LRBA: variants seen among roughly 807,000 people sequenced by gnomAD.
LRBA encodes the protein lipopolysaccharide-responsive and beige-like anchor protein.
LRBA carries 176 observed loss-of-function variants against 330.0 expected under a neutral mutation model. The observed-to-expected ratio is 0.53, with a 90% CI of 0.47 to 0.60. The LOEUF (loss-of-function observed/expected upper bound fraction) is 0.60. Ranked by LOEUF, LRBA falls within the 20% of genes least tolerant of loss-of-function variation. The probability of loss-of-function intolerance (pLI) is 0.00; values close to 1 mark genes in which losing one functional copy is unlikely to be tolerated. For synonymous variants in LRBA, 1,230 were observed against 1,193.0 expected (o/e 1.03, Z -0.64); for missense variants, 3,259 against 3,444.8 (o/e 0.95, Z 1.35).
At chr4:150,879,527 C>A (rs756688295) in intron 17 of LRBA, among the ~76,000 whole-genome samples, 16 of 152,044 alleles carry the variant, frequency 1.1e-4, no homozygotes, top group Non-Finnish European at 1.3e-4. Flanking sequence ...AGCAATCAGG[C>A]AAGAAAAGGG....
chr4:150,766,268 C>A (rs7666190), intron 34 of LRBA, among the ~76,000 whole-genome samples: 132,565 of 152,006 alleles, frequency 0.87, 58,368 homozygotes, highest in Non-Finnish European at 0.95. Context: ...CAGGAATATC[C>A]TTATGTTTTC....
chr4:150,755,476 T>C (rs376431633), intron 35 of LRBA, among the ~76,000 whole-genome samples: 16 of 152,158 alleles, frequency 1.1e-4, no homozygotes, highest in African/African-American at 3.6e-4. Context: ...TTAAAATGTG[T>C]TTTTATTAAA....
chr4:150,598,875 C>A, intron 38 of LRBA, 132 bp downstream of exon 38: 1 of 1,051,104 alleles, frequency 9.5e-7, no homozygotes, highest in Non-Finnish European at 1.4e-6. Flanking sequence ...AATTTAACTT[C>A]TCTTTCTGGT....
At chr4:150,803,074 A>AT (rs60815250) in intron 33 of LRBA, among the ~76,000 whole-genome samples, 48,329 of 119,468 alleles carry the variant, frequency 0.4, 9,937 homozygotes, top group Non-Finnish European at 0.49. Flanking sequence ...AACAAAAAAA[A>AT]AATATATATA....
Position 150,583,311 on chromosome 4 carries a change from G to A in LRBA, c.6330+4737C>T, listed in dbSNP as rs1442867249. 2 of 1,614,082 alleles carry A rather than the reference G, an allele frequency of 1.2e-6. No individual in the cohort carries two copies. The highest frequency in any genetic ancestry group is 2.7e-5 in the African/African-American group (2 of 74,952). On this transcript the variant is annotated intron_variant, in intron 40 of 56. Coordinates refer to ENST00000651943, the MANE Select transcript of LRBA (RefSeq NM_001364905.1). The surrounding 1 kb of genome is among the most constrained non-coding windows in gnomAD (Gnocchi z 9.8). Reference sequence around the variant, plus strand: ...TCAACTTCGTGGACGACGGCTCGCTGCCCGGCTGCGCAGTGCTCAAACTGA... The same window carrying A: ...TCAACTTCGTGGACGACGGCTCGCTACCCGGCTGCGCAGTGCTCAAACTGA...
At chr4:150,437,482 GC>G (rs1339736910) in intron 44 of LRBA, among the ~76,000 whole-genome samples, 3 of 148,030 alleles carry the variant, frequency 2.0e-5, no homozygotes, top group African/African-American at 7.4e-5. Context: ...TTAAAAATAT[GC>G]CGGCATGAAC....
chr4:150,293,208 C>T (rs560559151), intron 53 of LRBA, among the ~76,000 whole-genome samples: 1 of 152,282 alleles, frequency 6.6e-6, no homozygotes, highest in East Asian at 1.9e-4. Context: ...TACTACAAAA[C>T]ATTCATGTGA....
At chr4:150,776,350 G>A (rs1369413355) in intron 34 of LRBA, among the ~76,000 whole-genome samples, 1 of 152,052 alleles carries the variant, frequency 6.6e-6, no homozygotes, top group Non-Finnish European at 1.5e-5. Flanking sequence ...AGTAATTCAA[G>A]CATATCACTG....
chr4:150,647,346 CTTTT>C (rs1370294681), intron 37 of LRBA, among the ~76,000 whole-genome samples: 5 of 65,548 alleles, frequency 7.6e-5, no homozygotes, highest in Admixed American at 2.2e-4. Context: ...AAAATGATTA[CTTTT>C]TCTTTTTTTT....
At chr4:150,574,802 T>A (rs115878129) in intron 40 of LRBA, among the ~76,000 whole-genome samples, 4 of 152,000 alleles carry the variant, frequency 2.6e-5, no homozygotes, top group Non-Finnish European at 4.4e-5. Context: ...TTAAGTATGG[T>A]TGGAATCCTT....
intron 2 of LRBA, among the ~76,000 whole-genome samples, chr4:150,978,942 A>C (rs1740525677): frequency 6.6e-6 from 1 of 152,286 alleles, no homozygotes; most frequent in Middle Eastern, 3.4e-3. Context: ...TTAAAGAGGA[A>C]GTGGAGAAAG....
chr4:150,396,290 C>T (rs1270317341), intron 47 of LRBA, among the ~76,000 whole-genome samples: 1 of 152,142 alleles, frequency 6.6e-6, no homozygotes, highest in Non-Finnish European at 1.5e-5. Flanking sequence ...TACACCAGTG[C>T]CCTACTCCTG....
chr4:150,950,126 G>A (rs1736674086), intron 2 of LRBA, among the ~76,000 whole-genome samples: 1 of 151,982 alleles, frequency 6.6e-6, no homozygotes, highest in Admixed American at 6.6e-5. Context: ...TTTTAAATTT[G>A]CATTTATCTA....
At chr4:150,865,110 A>G (rs964258266) in intron 22 of LRBA, among the ~76,000 whole-genome samples, 10 of 152,172 alleles carry the variant, frequency 6.6e-5, no homozygotes, top group Admixed American at 3.9e-4. Flanking sequence ...TCTCCCCTAG[A>G]AATCTCTGAA....
intron 44 of LRBA, among the ~76,000 whole-genome samples, chr4:150,441,689 TA>T (rs1751860231): frequency 6.6e-6 from 1 of 152,080 alleles, no homozygotes; most frequent in African/African-American, 2.4e-5. Context: ...ATTTTAATAA[TA>T]AAGAAATGAA....
intron 47 of LRBA, among the ~76,000 whole-genome samples, chr4:150,392,899 T>C (rs1212895007): frequency 6.6e-6 from 1 of 151,756 alleles, no homozygotes; most frequent in Admixed American, 6.6e-5. Context: ...ACCTAATGCA[T>C]GCAGGGCTTA....
chr4:150,489,321 A>ATATATTATATATAAGAATATAT lies in LRBA; in HGVS notation c.6449-1488_6449-1487insATATATTCTTATATATAATATA, dbSNP rs1561250792. Reference sequence around the variant, plus strand: ...AATATATTATATATAAGAATATATAAAATATATTACATATAAGAATATAAA... The same window carrying ATATATTATATATAAGAATATAT: ...AATATATTATATATAAGAATATATAATATATTATATATAAGAATATATAATATATTACATATAAGAATATAAA... On this transcript the variant is annotated intron_variant, in intron 41 of 56. Transcript: ENST00000651943. 8.3e-4 allele frequency among the ~76,000 whole-genome samples: 17 copies of ATATATTATATATAAGAATATAT among 20,444 alleles called. 3 individuals are homozygous for ATATATTATATATAAGAATATAT. Among genetic ancestry groups the ATATATTATATATAAGAATATAT allele is most frequent in the African/African-American group, 1.7e-3 (12 of 6,962 alleles). 13.4% of individuals were successfully genotyped at this position (20,444 alleles called of 152,430 possible).
At chr4:150,786,159 C>T (rs1465062574) in intron 34 of LRBA, among the ~76,000 whole-genome samples, 1 of 152,130 alleles carries the variant, frequency 6.6e-6, no homozygotes, top group Non-Finnish European at 1.5e-5. Context: ...ACATTTGCAA[C>T]TTCCCTAATT....
intron 37 of LRBA, among the ~76,000 whole-genome samples, chr4:150,612,220 C>T (rs1353996030): frequency 1.3e-5 from 2 of 152,132 alleles, no homozygotes; most frequent in Admixed American, 1.3e-4. Context: ...AAAAGTCACC[C>T]TCCATAGCAT....
Sources: allele counts gnomAD v4.1 joint callset (sites outside exome capture counted in the v4.1 genomes callset), GRCh38; gene constraint gnomAD v4.1.1; non-coding constraint Gnocchi (gnomAD v3.1); transcripts MANE v1.5; gene names NCBI Gene and HGNC (gene_info 2026-07-23, HGNC 2026-07-21).